TIAM1: variants seen among roughly 807,000 people sequenced by gnomAD.
TIAM1 encodes rho guanine nucleotide exchange factor TIAM1.
A neutral mutation model predicts 163.5 loss-of-function variants in TIAM1; 65 were observed. The observed-to-expected ratio is 0.40, with a 90% confidence interval of 0.33 to 0.49. The LOEUF is 0.49. Among genes scored for constraint, TIAM1 ranks in the 20% least tolerant of loss-of-function variants. TIAM1 has a pLI of 0.77. For synonymous variants in TIAM1, 833 were observed against 810.1 expected (o/e 1.03, Z -0.48); for missense variants, 1,789 against 2,044.7 (o/e 0.87, Z 2.41).
intron 2 of TIAM1, among the ~76,000 whole-genome samples, chr21:31,444,246 G>A (rs988362570): frequency 1.3e-5 from 2 of 152,044 alleles, no homozygotes; most frequent in South Asian, 2.1e-4. Context: ...TTTAGAATTC[G>A]CACTGGCTTT....
chr21:31,391,844 A>G (rs1394743674), intron 2 of TIAM1, among the ~76,000 whole-genome samples: 4 of 152,212 alleles, frequency 2.6e-5, no homozygotes, highest in Non-Finnish European at 2.9e-5. Context: ...ACATATAAAG[A>G]GAGTCCCTGA....
chr21:31,509,054 G>A (rs2047125845), intron 1 of TIAM1, among the ~76,000 whole-genome samples: 1 of 152,172 alleles, frequency 6.6e-6, no homozygotes, highest in South Asian at 2.1e-4. Flanking sequence ...GAGTCTTAAA[G>A]CTGGGTCATA....
intron 2 of TIAM1, among the ~76,000 whole-genome samples, chr21:31,420,904 C>A (rs1002721869): frequency 1.3e-5 from 2 of 151,988 alleles, no homozygotes; most frequent in Non-Finnish European, 2.9e-5. Context: ...GGTGGACCAC[C>A]TGAGGTCAGG....
intron 11 of TIAM1, among the ~76,000 whole-genome samples, chr21:31,203,481 C>T (rs954160221): frequency 6.6e-6 from 1 of 152,222 alleles, no homozygotes; most frequent in African/African-American, 2.4e-5. Flanking sequence ...AAAAAGTTTA[C>T]ATCGTAAATG....
At chr21:31,315,739 T>C (rs1467585915) in intron 2 of TIAM1, among the ~76,000 whole-genome samples, 3 of 148,464 alleles carry the variant, frequency 2.0e-5, no homozygotes, top group Non-Finnish European at 4.4e-5. Flanking sequence ...CCCAGCACTT[T>C]GGGAGGCCGA....
chr21:31,478,147 T>C (rs999538521), intron 1 of TIAM1, among the ~76,000 whole-genome samples: 24 of 152,218 alleles, frequency 1.6e-4, no homozygotes, highest in African/African-American at 5.8e-4. Flanking sequence ...AGCTATGCAA[T>C]TTTAATTTTT....
chr21:31,379,534 A>T (rs1028982805), intron 2 of TIAM1, among the ~76,000 whole-genome samples: 6 of 152,182 alleles, frequency 3.9e-5, no homozygotes, highest in Non-Finnish European at 8.8e-5. Flanking sequence ...AAGAAAAAAA[A>T]AAAAATGTGA....
chr21:31,352,200 GAATA>G, intron 2 of TIAM1, among the ~76,000 whole-genome samples: 1 of 152,226 alleles, frequency 6.6e-6, no homozygotes, highest in African/African-American at 2.4e-5. Context: ...TCAGATGAAT[GAATA>G]AACAAAATGT....
chr21:31,262,671 A>T (rs906151938), intron 4 of TIAM1, among the ~76,000 whole-genome samples: 2 of 152,206 alleles, frequency 1.3e-5, no homozygotes, highest in African/African-American at 2.4e-5. Flanking sequence ...AAAAATCCAA[A>T]AACAGGAAAA....
intron 2 of TIAM1, among the ~76,000 whole-genome samples, chr21:31,311,494 C>T (rs1022729720): frequency 6.6e-6 from 1 of 152,184 alleles, no homozygotes; most frequent in African/African-American, 2.4e-5. Context: ...GACCATCTGA[C>T]ACCTGGGTCT....
chr21:31,433,702 G>A (rs1288587613), intron 2 of TIAM1, among the ~76,000 whole-genome samples: 6 of 152,162 alleles, frequency 3.9e-5, no homozygotes, highest in Non-Finnish European at 7.3e-5. Flanking sequence ...TTAACTCAGC[G>A]CTCATACACA....
intron 1 of TIAM1, among the ~76,000 whole-genome samples, chr21:31,497,051 T>C (rs1281434918): frequency 6.6e-6 from 1 of 152,164 alleles, no homozygotes; most frequent in Non-Finnish European, 1.5e-5. Flanking sequence ...GCCGTAATGC[T>C]CACCCACCTG....
At position 31,394,725 on chromosome 21, in the gene TIAM1, C is replaced by CTT. The variant is rs1253968859; in HGVS notation, c.-368-55304_-368-55303insAA. Among the ~76,000 whole-genome samples the CTT allele has an allele frequency of 2.2e-5, 2 of 91,606 alleles. 1 individual carries two copies. The highest frequency in any genetic ancestry group is 9.3e-5 in the African/African-American group (2 of 21,508). The allele number at this position is 91,606 out of a possible 152,430, so 60.1% of individuals were successfully genotyped here. A position where few individuals can be genotyped will look rare whatever the true frequency, so the allele number is the denominator to read the frequency against. ...TCTCTCTCGCTCTCTCTCTCTCTCT[C>CTT]TCTCACACACACACACACACACACA... On this transcript the variant is annotated intron_variant, in intron 2 of 28. Coordinates refer to the TIAM1 transcript ENST00000286827.
At chr21:31,207,648 C>T (rs118031015) in intron 11 of TIAM1, among the ~76,000 whole-genome samples, 1,560 of 152,300 alleles carry the variant, frequency 0.01, 16 homozygotes, top group Non-Finnish European at 0.016. Flanking sequence ...AGGCACCTGG[C>T]CCTGAGCATA....
intron 4 of TIAM1, among the ~76,000 whole-genome samples, chr21:31,259,739 T>C (rs1458851940): frequency 6.6e-6 from 1 of 151,512 alleles, no homozygotes; most frequent in Non-Finnish European, 1.5e-5. Flanking sequence ...TTCCAGGGAG[T>C]CAGTGAGGCT....
chr21:31,443,098 G>T (rs868839423), intron 2 of TIAM1, among the ~76,000 whole-genome samples: 9 of 152,292 alleles, frequency 5.9e-5, no homozygotes, highest in South Asian at 2.1e-4. Context: ...TAGAAACCTT[G>T]GACTGTGGAG....
intron 2 of TIAM1, among the ~76,000 whole-genome samples, chr21:31,319,340 A>G (rs1471024568): frequency 6.6e-6 from 1 of 152,244 alleles, no homozygotes; most frequent in Non-Finnish European, 1.5e-5. Flanking sequence ...GTGGGGTCAC[A>G]TAGTAATTCT....
exon 2 of TIAM1, chr21:31,463,991 C>T (rs1282582937): frequency 6.6e-6 from 1 of 152,104 alleles, no homozygotes; most frequent in Non-Finnish European, 1.5e-5. Flanking sequence ...ACCATATGAC[C>T]GTCAGGCTTC....
rs753085627 is a variant in TIAM1, at chr21:31,120,664, C to T, written c.4480G>A (p.Glu1494Lys). 1.9e-6 allele frequency: 3 copies of T among 1,614,018 alleles called. No homozygotes were observed. The African/African-American group carries it at 4.0e-5, about 22-fold the overall frequency. Residue 1494 changes from glutamate (E) to lysine (K), a missense_variant, in exon 28 of 28, where the codon GAG becomes AAG. Coordinates refer to ENST00000541036, the MANE Select transcript of TIAM1 (RefSeq NM_001353694.2). This position sits in a 1 kb window ranked among gnomAD's most constrained non-coding sequence, Gnocchi z 4.2. ...VEEQFDLAQY[E>K]EQDDIKETDI... is the part of the protein sequence containing the mutation. The stretch of plus-strand genomic sequence containing the variant: ...GTCTCCTTGATGTCATCTTGCTCCT[C>T]ATACTGAGCAAGATCAAACTGCTCC...
Sources: allele counts gnomAD v4.1 joint callset (sites outside exome capture counted in the v4.1 genomes callset), GRCh38; gene constraint gnomAD v4.1.1; non-coding constraint Gnocchi (gnomAD v3.1); transcripts MANE v1.5; gene names NCBI Gene and HGNC (gene_info 2026-07-23, HGNC 2026-07-21).